Variants in PKP2 observed in about 807,000 individuals in gnomAD.
The protein encoded by PKP2 is plakophilin-2.
PKP2 carries 73 observed loss-of-function variants against 83.4 expected under a neutral mutation model. The ratio of observed to expected loss-of-function variants is 0.88; its 90% CI spans 0.72 to 1.06. The LOEUF (loss-of-function observed/expected upper bound fraction) is 1.06, where lower values mean the gene tolerates loss of function less well. PKP2 is among the 50% of genes least tolerant of loss of function. The pLI, the probability that PKP2 is intolerant of heterozygous loss-of-function variation, is 0.00. For synonymous variants in PKP2, 409 were observed against 430.4 expected (o/e 0.95, Z 0.62); for missense variants, 966 against 1,065.4 (o/e 0.91, Z 1.30).
intron 1 of PKP2, among the ~76,000 whole-genome samples, chr12:32,879,269 A>C (rs1228090314): frequency 2.0e-5 from 3 of 152,242 alleles, no homozygotes. Context: ...GTGGTGGCGC[A>C]CGCCTCTTAT....
At chr12:32,807,704 C>T (rs1035085642) in intron 9 of PKP2, among the ~76,000 whole-genome samples, 1 of 152,136 alleles carries the variant, frequency 6.6e-6, no homozygotes, top group African/African-American at 2.4e-5. Context: ...CCTTCAGGAG[C>T]TTTTGCATGG....
intron 11 of PKP2, among the ~76,000 whole-genome samples, chr12:32,795,592 G>T (rs1956113320): frequency 6.6e-6 from 1 of 152,076 alleles, no homozygotes; most frequent in African/African-American, 2.4e-5. Context: ...TGTCGGCCAG[G>T]CTGGTCTCGA....
rs533792449 is a variant in PKP2, at chr12:32,868,791, G to A, written c.1170+136C>T. ...CCTGCCTCGGCCTCCCAAAGTGCTG[G>A]GAATATAGGCGTGAACCACCACGCA... On this transcript the variant is annotated intron_variant, in intron 4 of 12. Transcript: ENST00000340811. 2.5e-4 allele frequency: 248 copies of A among 989,102 alleles called. 8 individuals are homozygous for A. The South Asian group carries it at 3.2e-3, about 13-fold the overall frequency. 61.3% of individuals were successfully genotyped at this position (989,102 alleles called of 1,614,324 possible).
At chr12:32,874,123 T>A (rs1481545341) in intron 3 of PKP2, among the ~76,000 whole-genome samples, 1 of 152,236 alleles carries the variant, frequency 6.6e-6, no homozygotes, top group African/African-American at 2.4e-5. Context: ...TAAGTCATTA[T>A]GCAGGTTTAT....
intron 6 of PKP2, 30 bp downstream of exon 6, chr12:32,840,998 T>A (rs762003864): frequency 6.3e-7 from 1 of 1,581,764 alleles, no homozygotes; most frequent in South Asian, 1.1e-5. Flanking sequence ...TATTGCATCT[T>A]CTATCAGGGC....
At chr12:32,812,740 G>A (rs540314463) in intron 9 of PKP2, among the ~76,000 whole-genome samples, 5 of 152,254 alleles carry the variant, frequency 3.3e-5, no homozygotes, top group Admixed American at 2.6e-4. Flanking sequence ...CTGACCTCAA[G>A]TGATCCACCT....
intron 5 of PKP2, among the ~76,000 whole-genome samples, chr12:32,844,854 T>C (rs1956631766): frequency 6.6e-6 from 1 of 152,164 alleles, no homozygotes; most frequent in Non-Finnish European, 1.5e-5. Context: ...GAACTTATAT[T>C]TTAAAAAAAG....
At chr12:32,884,698 T>A (rs1294935070) in intron 1 of PKP2, among the ~76,000 whole-genome samples, 3 of 152,118 alleles carry the variant, frequency 2.0e-5, no homozygotes, top group Admixed American at 6.6e-5. Flanking sequence ...CATAAAAATT[T>A]GATTTTCACA....
At chr12:32,809,659 T>C (rs905154440) in intron 9 of PKP2, among the ~76,000 whole-genome samples, 2 of 152,220 alleles carry the variant, frequency 1.3e-5, no homozygotes, top group African/African-American at 4.8e-5. Flanking sequence ...TGTGTGTACC[T>C]GTGCTGAGAC....
intron 11 of PKP2, among the ~76,000 whole-genome samples, chr12:32,793,741 G>T (rs966267313): frequency 6.7e-6 from 1 of 149,432 alleles, no homozygotes; most frequent in Non-Finnish European, 1.5e-5. Flanking sequence ...GACTACAGGC[G>T]CATGCCACCA....
At chr12:32,862,942 T>TGA (rs1956814231) in intron 4 of PKP2, among the ~76,000 whole-genome samples, 1 of 152,050 alleles carries the variant, frequency 6.6e-6, no homozygotes, top group African/African-American at 2.4e-5. Flanking sequence ...GAGGTTGCAG[T>TGA]GAGCTAAGAT....
intron 1 of PKP2, among the ~76,000 whole-genome samples, chr12:32,891,924 A>C (rs1231536214): frequency 6.6e-6 from 1 of 152,108 alleles, no homozygotes; most frequent in Non-Finnish European, 1.5e-5. Context: ...TATTTCACTT[A>C]CTATAATCAG....
At chr12:32,817,576 A>C (rs1956331609) in intron 9 of PKP2, among the ~76,000 whole-genome samples, 1 of 152,190 alleles carries the variant, frequency 6.6e-6, no homozygotes, top group Non-Finnish European at 1.5e-5. Flanking sequence ...TAATGTCTTA[A>C]CATGTCTTTT....
rs774068173 is a variant in PKP2 at position 32,824,042 on chromosome 12, T to C, written c.1674+3A>G. The C allele has an allele frequency of 6.6e-7, 1 of 1,514,538 alleles. No individual in the cohort carries two copies. The highest frequency in any genetic ancestry group is 2.3e-5 in the East Asian group (1 of 44,402). The allele number at this position is 1,514,538 out of a possible 1,614,324, so 93.8% of individuals were successfully genotyped here. A position where few individuals can be genotyped will look rare whatever the true frequency, so the allele number is the denominator to read the frequency against. ...AAAACAGGATATTTATCTCTTGAAT[T>C]ACCTTGTCATCTGGCTGGTAATCTG... On this transcript the variant is annotated splice_donor_region_variant and intron_variant, in intron 7 of 12. Coordinates refer to ENST00000340811, the MANE Select transcript of PKP2 (RefSeq NM_001005242.3).
chr12:32,893,689 A>C (rs1014418510), intron 1 of PKP2: 1 of 152,166 alleles, frequency 6.6e-6, no homozygotes, highest in African/African-American at 2.4e-5. Context: ...TTTGTTCCTT[A>C]GTTGGAACAG....
At chr12:32,868,159 T>C (rs1324823504) in intron 4 of PKP2, among the ~76,000 whole-genome samples, 2 of 152,202 alleles carry the variant, frequency 1.3e-5, no homozygotes, top group African/African-American at 2.4e-5. Context: ...GCAGGAAATA[T>C]TTTTGGTAAT....
chr12:32,819,666 T>A (rs1956357764), intron 9 of PKP2, among the ~76,000 whole-genome samples: 1 of 152,164 alleles, frequency 6.6e-6, no homozygotes, highest in Non-Finnish European at 1.5e-5. Context: ...AGAATGTTTG[T>A]TCAGCAAATG....
intron 4 of PKP2, among the ~76,000 whole-genome samples, chr12:32,864,898 G>A (rs1006920319): frequency 3.9e-5 from 6 of 152,196 alleles, no homozygotes; most frequent in Admixed American, 3.9e-4. Context: ...ATCAGATGAT[G>A]AGAAGTTGGC....
chr12:32,839,201 C>T (rs1231170124), intron 6 of PKP2, among the ~76,000 whole-genome samples: 2 of 151,918 alleles, frequency 1.3e-5, no homozygotes, highest in African/African-American at 2.4e-5. Flanking sequence ...TAAGTTCTTC[C>T]ACCCCTTTTC....
Sources: gnomAD v4.1 joint callset for allele counts (sites outside exome capture counted in the v4.1 genomes callset) on GRCh38, gnomAD v4.1.1 for gene constraint, MANE v1.5 for transcripts, NCBI Gene and HGNC (gene_info 2026-07-23, HGNC 2026-07-21) for gene names.